The following DHX40 variants were observed in gnomAD, a reference collection of about 807,000 sequenced individuals.
DHX40 encodes DEAH-box helicase 40.
DHX40 carries 28 observed loss-of-function variants against 89.6 expected under a neutral mutation model. That is an observed-to-expected ratio of 0.31 (90% CI 0.23 to 0.43). The LOEUF (loss-of-function observed/expected upper bound fraction) is 0.43, where lower values mean the gene tolerates loss of function less well. DHX40 is among the 20% of genes least tolerant of loss of function. The pLI is 1.00. For missense variants in DHX40, 457 were observed against 844.0 expected, an observed-to-expected ratio of 0.54 and a Z score of 5.68; for synonymous variants, 226 against 283.6, an observed-to-expected ratio of 0.80 and a Z score of 2.04.
chr17:59,577,024 C>A (rs938406387), intron 7 of DHX40: 14 of 474,590 alleles, frequency 2.9e-5, no homozygotes, highest in Admixed American at 5.6e-5. Flanking sequence ...GGCGCGCCCC[C>A]ACGCCCTGCT....
chr17:59,566,604 G>T, intron 1 of DHX40, 23 bp from the exon 2 acceptor site: 2 of 1,559,120 alleles, frequency 1.3e-6, no homozygotes, highest in South Asian at 2.5e-5. Flanking sequence ...TCTTTTAATT[G>T]ACTTGTTTTT....
chr17:59,575,237 C>T (rs2143234653), intron 6 of DHX40, 103 bp from the exon 7 acceptor site: 1 of 898,930 alleles, frequency 1.1e-6, no homozygotes, highest in East Asian at 3.0e-5. Context: ...GAGAGATTTA[C>T]AATAACTTTT....
chr17:59,570,190 TATA>T (rs2048780945), intron 2 of DHX40, among the ~76,000 whole-genome samples: 1 of 118,796 alleles, frequency 8.4e-6, no homozygotes, highest in Non-Finnish European at 1.6e-5. Flanking sequence ...ATATATAATA[TATA>T]ATATATTATA....
chr17:59,567,523 C>T (rs2048723450), intron 2 of DHX40, among the ~76,000 whole-genome samples: 3 of 152,184 alleles, frequency 2.0e-5, no homozygotes, highest in Admixed American at 1.3e-4. Context: ...TTTCCTCAGC[C>T]CTTTTCTGTC....
intron 12 of DHX40, among the ~76,000 whole-genome samples, chr17:59,594,288 T>G (rs2049121196): frequency 6.6e-6 from 1 of 152,150 alleles, no homozygotes; most frequent in African/African-American, 2.4e-5. Flanking sequence ...TTTTTGACAG[T>G]GCCCAGAGCA....
At chr17:59,600,077 G>A (rs2030392861) in intron 14 of DHX40, among the ~76,000 whole-genome samples, 1 of 152,028 alleles carries the variant, frequency 6.6e-6, no homozygotes, top group African/African-American at 2.4e-5. Context: ...ACCTGCCTCG[G>A]CCTTCCAAAG....
At position 59,565,724 on chromosome 17, in the gene DHX40, G is replaced by T; in HGVS notation, c.53G>T (p.Gly18Val). 1 of 1,605,080 alleles carries T rather than the reference G, an allele frequency of 6.2e-7. No individual in the cohort carries two copies. The highest frequency in any genetic ancestry group is 8.5e-7 in the Non-Finnish European group (1 of 1,179,734). The change falls in exon 1 of 18, where the codon GGT becomes GTT. Residue 18 changes from glycine (G) to valine (V), a missense_variant. Physicochemically the swap from Gly to Val is moderately radical, Grantham distance 109. Around this residue, in one of 9 missense-constraint regions of DHX40, gnomAD observed 75 missense variants for 76.8 expected, o/e 0.98. Coordinates refer to ENST00000251241, the MANE Select transcript of DHX40 (RefSeq NM_024612.5). The part of the protein sequence containing the change: ...AGRAPRRQEE[G>V]ERSRDLQEER... ...AGGGCGCCAAGGCGGCAGGAGGAGG[G>T]TGAGCGGTCAAGAGACCTCCAGGAA... is the stretch of plus-strand genomic sequence containing the variant.
chr17:59,601,416 A>G (rs2030519514), intron 14 of DHX40, among the ~76,000 whole-genome samples: 1 of 151,952 alleles, frequency 6.6e-6, no homozygotes, highest in Non-Finnish European at 1.5e-5. Context: ...GCCTTATCTT[A>G]AAGTTCATTA....
chr17:59,565,807 A>C (rs746971540), intron 1 of DHX40, 24 bp downstream of exon 1: 1 of 1,577,134 alleles, frequency 6.3e-7, no homozygotes, highest in South Asian at 1.1e-5. Context: ...GACGGTACGG[A>C]AGCCAGCGGG....
chr17:59,607,171 A>G lies in DHX40; in HGVS notation c.2339A>G (p.Ter780=), dbSNP rs1171259679. The G allele has an allele frequency of 6.2e-7, 1 of 1,614,220 alleles. No homozygotes were observed. Among genetic ancestry groups the G allele is most frequent in the Non-Finnish European group, 8.5e-7 (1 of 1,180,038 alleles). The change falls in exon 18 of 18, where the codon TAA becomes TGA. Residue 780 remains the stop codon, a stop_retained_variant. Transcript: ENST00000251241. ...AGTGACACACGAAAGGAAACAGGCT[A>G]AGGTGGTGAACCCTCCAATTCAGGA... The part of the protein sequence containing the change: ...DHSDTRKETG[*]
intron 17 of DHX40, 90 bp downstream of exon 17, chr17:59,605,764 C>A: frequency 1.6e-6 from 2 of 1,239,250 alleles, no homozygotes; most frequent in Non-Finnish European, 2.3e-6. Flanking sequence ...AATGTTGTGA[C>A]CCACCTGGGC....
At chr17:59,571,646 A>G (rs1234576112) in intron 3 of DHX40, among the ~76,000 whole-genome samples, 4 of 148,870 alleles carry the variant, frequency 2.7e-5, no homozygotes, top group African/African-American at 7.4e-5. Context: ...GCTGGAGTGC[A>G]GTGGCGCAAC....
At chr17:59,593,827 G>T (rs2049114315) in intron 12 of DHX40, among the ~76,000 whole-genome samples, 1 of 151,258 alleles carries the variant, frequency 6.6e-6, no homozygotes, top group Non-Finnish European at 1.5e-5. Context: ...TTAATTCGTG[G>T]ATTCTTTCTT....
chr17:59,571,324 G>A (rs927850483), intron 3 of DHX40, among the ~76,000 whole-genome samples: 1 of 151,862 alleles, frequency 6.6e-6, no homozygotes, highest in African/African-American at 2.4e-5. Context: ...GGGCACGGTG[G>A]TGCATGCCTG....
intron 14 of DHX40, among the ~76,000 whole-genome samples, chr17:59,601,033 G>T (rs2030484436): frequency 6.6e-6 from 1 of 151,322 alleles, no homozygotes; most frequent in Admixed American, 6.6e-5. Flanking sequence ...ACAGTGCATG[G>T]TAGCTCACGC....
At chr17:59,576,083 T>TA (rs2048878813) in intron 7 of DHX40, among the ~76,000 whole-genome samples, 1 of 149,118 alleles carries the variant, frequency 6.7e-6, no homozygotes, top group Non-Finnish European at 1.5e-5. Context: ...TTTTTTTTTT[T>TA]AGCAGAGATG....
intron 14 of DHX40, among the ~76,000 whole-genome samples, chr17:59,600,581 TA>T: frequency 6.6e-6 from 1 of 152,302 alleles, no homozygotes; most frequent in East Asian, 1.9e-4. Context: ...CATTGATGAT[TA>T]ACCCCTGTAA....
intron 12 of DHX40, among the ~76,000 whole-genome samples, chr17:59,592,112 C>A (rs906244267): frequency 4.0e-5 from 6 of 151,546 alleles, no homozygotes; most frequent in African/African-American, 7.3e-5. Context: ...CTCAAGCAAT[C>A]CTCCTGCTTT....
At chr17:59,588,229 A>AAAAAAAACAAAAAAAAAC (rs1555593655) in intron 12 of DHX40, among the ~76,000 whole-genome samples, 176 bp downstream of exon 12, 8 of 139,184 alleles carry the variant, frequency 5.7e-5, no homozygotes, top group African/African-American at 2.4e-4. Flanking sequence ...TAAAAAAAAA[A>AAAAAAAACAAAAAAAAAC]AAAAAAAAAA....
Sources: gnomAD v4.1 joint callset for allele counts (sites outside exome capture counted in the v4.1 genomes callset) on GRCh38, gnomAD v4.1.1 for gene constraint, gnomAD v4.1.1 regional missense constraint, MANE v1.5 for transcripts, NCBI Gene and HGNC (gene_info 2026-07-23, HGNC 2026-07-21) for gene names.